SCAPER: variants seen among roughly 807,000 people sequenced by gnomAD.
SCAPER encodes S phase cyclin A-associated protein in the endoplasmic reticulum.
SCAPER carries 98 observed loss-of-function variants against 182.2 expected under a neutral mutation model. The observed-to-expected ratio is 0.54, with a 90% CI of 0.46 to 0.64. The LOEUF (loss-of-function observed/expected upper bound fraction) is 0.64. Among genes scored for constraint, SCAPER ranks in the 30% least tolerant of loss-of-function variants. The pLI, the probability that SCAPER is intolerant of heterozygous loss-of-function variation, is 0.00. For synonymous variants in SCAPER, 605 were observed against 564.6 expected (o/e 1.07, Z -1.01); for missense variants, 1,432 against 1,690.0 (o/e 0.85, Z 2.68).
In SCAPER at chr15:76,352,610, T is replaced by C. The variant is rs538186878; in HGVS notation, c.4048-1322A>G. 6.6e-5 allele frequency among the ~76,000 whole-genome samples: 10 copies of C among 151,566 alleles called. No individual in the cohort carries two copies. In the South Asian group the frequency reaches 2.1e-3, roughly 32 times the overall value. On this transcript the variant is annotated intron_variant, in intron 30 of 31. Coordinates refer to ENST00000563290, the MANE Select transcript of SCAPER (RefSeq NM_020843.4). ...TACTCTCCTGCCTCAGCCTCCCGAG[T>C]AGCTGGGATTACAGGTGCCCACAGA...
At chr15:76,682,270 C>CCG in intron 20 of SCAPER, among the ~76,000 whole-genome samples, 1 of 142,226 alleles carries the variant, frequency 7.0e-6, no homozygotes, top group Non-Finnish European at 1.5e-5. Flanking sequence ...CCCTTCCCCC[C>CCG]CCCACCCCAC....
intron 17 of SCAPER, among the ~76,000 whole-genome samples, chr15:76,727,069 C>T (rs1676441771): frequency 6.6e-6 from 1 of 151,832 alleles, no homozygotes; most frequent in South Asian, 2.1e-4. Flanking sequence ...AAAATTTCTA[C>T]TTGGCTTGAA....
At chr15:76,722,431 G>C (rs2060304948) in intron 17 of SCAPER, among the ~76,000 whole-genome samples, 1 of 152,228 alleles carries the variant, frequency 6.6e-6, no homozygotes, top group Non-Finnish European at 1.5e-5. Flanking sequence ...TCAGGATGAT[G>C]CTGGCCTCAT....
chr15:76,695,916 T>C (rs1424639687), intron 20 of SCAPER, among the ~76,000 whole-genome samples: 1 of 152,192 alleles, frequency 6.6e-6, no homozygotes, highest in Non-Finnish European at 1.5e-5. Context: ...GAAAGTGTAA[T>C]ATGTTTTAAA....
intron 20 of SCAPER, among the ~76,000 whole-genome samples, chr15:76,675,418 T>TA (rs1295486428): frequency 6.6e-6 from 1 of 152,202 alleles, no homozygotes; most frequent in Non-Finnish European, 1.5e-5. Context: ...AAAGTAAAAT[T>TA]AATAAGGATA....
chr15:76,470,446 C>T (rs139263196), intron 25 of SCAPER, among the ~76,000 whole-genome samples: 14 of 152,196 alleles, frequency 9.2e-5, no homozygotes, highest in African/African-American at 2.9e-4. Flanking sequence ...TAGGAATTAA[C>T]CAGATAGAGG....
At chr15:76,371,389 G>A (rs1016777278) in intron 29 of SCAPER, among the ~76,000 whole-genome samples, 1 of 150,094 alleles carries the variant, frequency 6.7e-6, no homozygotes, top group Non-Finnish European at 1.5e-5. Context: ...GCGTGATCTC[G>A]GCTCACCGCA....
At chr15:76,806,219 C>T (rs1182002891) in intron 5 of SCAPER, among the ~76,000 whole-genome samples, 1 of 152,184 alleles carries the variant, frequency 6.6e-6, no homozygotes, top group Non-Finnish European at 1.5e-5. Context: ...TATCTGTATA[C>T]AGTGTGAGGT....
chr15:76,860,979 A>G (rs1326609332), intron 3 of SCAPER, among the ~76,000 whole-genome samples: 1 of 152,168 alleles, frequency 6.6e-6, no homozygotes, highest in Non-Finnish European at 1.5e-5. Context: ...ACTGTACCCC[A>G]TTAAATACCA....
intron 23 of SCAPER, among the ~76,000 whole-genome samples, chr15:76,518,670 A>G (rs891892919): frequency 2.0e-5 from 3 of 152,212 alleles, no homozygotes; most frequent in African/African-American, 4.8e-5. Flanking sequence ...ATGTGTTCCT[A>G]TCAGACTATC....
intron 25 of SCAPER, among the ~76,000 whole-genome samples, chr15:76,439,593 G>GT (rs2047424251): frequency 6.6e-6 from 1 of 152,228 alleles, no homozygotes; most frequent in Non-Finnish European, 1.5e-5. Flanking sequence ...CAACACTTGA[G>GT]TTTGAACTTA....
intron 27 of SCAPER, among the ~76,000 whole-genome samples, chr15:76,382,140 G>A (rs767364638): frequency 2.0e-5 from 3 of 152,100 alleles, no homozygotes; most frequent in Non-Finnish European, 4.4e-5. Flanking sequence ...GAGGAGTACA[G>A]GCAGGACAGG....
chr15:76,499,783 T>C (rs745738189), intron 24 of SCAPER, among the ~76,000 whole-genome samples: 1 of 152,168 alleles, frequency 6.6e-6, no homozygotes, highest in Non-Finnish European at 1.5e-5. Context: ...TGAAACTGAA[T>C]AAGTGGTCAC....
intron 5 of SCAPER, among the ~76,000 whole-genome samples, chr15:76,841,292 A>G (rs977457016): frequency 6.6e-6 from 1 of 152,192 alleles, no homozygotes; most frequent in African/African-American, 2.4e-5. Flanking sequence ...ACAATTTTTC[A>G]TAAGAGGTAA....
chr15:76,349,355 A>G (rs2040385869), intron 31 of SCAPER: 1 of 146,006 alleles, frequency 6.8e-6, no homozygotes. Flanking sequence ...TTTTAAGTAT[A>G]TCTTTAAAAT....
At position 76,578,472 on chromosome 15, in the gene SCAPER, C is replaced by T. The variant is rs551771306; in HGVS notation, c.2712-4188G>A. Among the ~76,000 whole-genome samples, 3 of 152,326 alleles carry T rather than the reference C, an allele frequency of 2.0e-5. No homozygotes were observed. In the South Asian group the frequency reaches 6.2e-4, roughly 32 times the overall value. On this transcript the variant is annotated intron_variant, in intron 22 of 31. Coordinates refer to ENST00000563290, the MANE Select transcript of SCAPER (RefSeq NM_020843.4). ...GTGGGGGCTACAGGGGTGCTTGTGTCAACCCTCATCCAGCTGCAAGCAGCT... is the reference window on the plus strand; with the variant it reads ...GTGGGGGCTACAGGGGTGCTTGTGTTAACCCTCATCCAGCTGCAAGCAGCT...
intron 4 of SCAPER, 85 bp downstream of exon 4, chr15:76,857,724 C>A: frequency 1.1e-6 from 1 of 898,622 alleles, no homozygotes; most frequent in Non-Finnish European, 1.7e-6. Context: ...TATTCAAATC[C>A]TGCAAAATAA....
intron 8 of SCAPER, among the ~76,000 whole-genome samples, chr15:76,790,425 G>A (rs1350002441): frequency 6.6e-6 from 1 of 151,976 alleles, no homozygotes; most frequent in Admixed American, 6.6e-5. Flanking sequence ...ATCTTGACCT[G>A]GAATGTTCTT....
At chr15:76,705,835 C>A (rs961189494) in intron 18 of SCAPER, 68 bp downstream of exon 18, 2 of 1,060,286 alleles carry the variant, frequency 1.9e-6, no homozygotes, top group African/African-American at 1.6e-5. Flanking sequence ...TTTTTTCCTA[C>A]AAAATTTTGA....
Sources: gnomAD v4.1 joint callset for allele counts (sites outside exome capture counted in the v4.1 genomes callset) on GRCh38, gnomAD v4.1.1 for gene constraint, MANE v1.5 for transcripts, NCBI Gene and HGNC (gene_info 2026-07-23, HGNC 2026-07-21) for gene names.